The following ZBTB7C variants were observed in gnomAD, a reference collection of about 807,000 sequenced individuals.
The protein encoded by ZBTB7C is zinc finger and BTB domain-containing protein 7C.
In ZBTB7C, 8 loss-of-function variants were observed where a neutral mutation model predicts 25.7. The ratio of observed to expected loss-of-function variants is 0.31; its 90% confidence interval spans 0.18 to 0.56. The LOEUF (loss-of-function observed/expected upper bound fraction) is 0.56. Ranked by LOEUF, ZBTB7C falls within the 20% of genes least tolerant of loss-of-function variation. The pLI, the probability that ZBTB7C is intolerant of heterozygous loss-of-function variation, is 0.91. For synonymous variants in ZBTB7C, 394 were observed against 369.0 expected (o/e 1.07, Z -0.78); for missense variants, 824 against 855.2 (o/e 0.96, Z 0.46).
chr18:48,328,235 T>C (rs1018844553), intron 2 of ZBTB7C, among the ~76,000 whole-genome samples: 1 of 149,028 alleles, frequency 6.7e-6, no homozygotes, highest in Non-Finnish European at 1.5e-5. Context: ...AAGAACATAA[T>C]ATTTAGTTTG....
At chr18:48,253,627 C>T (rs571525335) in intron 2 of ZBTB7C, among the ~76,000 whole-genome samples, 2 of 152,242 alleles carry the variant, frequency 1.3e-5, no homozygotes, top group African/African-American at 4.8e-5. Context: ...TAGGACAGAG[C>T]ACCAGAGAGA....
chr18:48,033,888 G>C (rs1263547317), intron 4 of ZBTB7C, among the ~76,000 whole-genome samples: 1 of 152,118 alleles, frequency 6.6e-6, no homozygotes, highest in Non-Finnish European at 1.5e-5. Context: ...CCCTTCCCTG[G>C]TCTGGGCCTT....
rs1029503858 is a variant in ZBTB7C at position 48,161,932 on chromosome 18, C to T, written c.-17+24002G>A. Reference sequence around the variant, plus strand: ...CGCTCCAGCTCGACCTCCCCACCCGCCCGCCTCCCCGGGAGGCCGCGGCCC... The same window carrying T: ...CGCTCCAGCTCGACCTCCCCACCCGTCCGCCTCCCCGGGAGGCCGCGGCCC... On this transcript the variant is annotated intron_variant, in intron 3 of 4. Coordinates refer to ENST00000590800, the MANE Select transcript of ZBTB7C (RefSeq NM_001318841.2). Among the ~76,000 whole-genome samples, 191 of 149,450 alleles carry T rather than the reference C, an allele frequency of 1.3e-3. 4 individuals are homozygous for T. The highest frequency in any genetic ancestry group is 4.5e-3 in the African/African-American group (187 of 41,288).
At chr18:48,267,838 C>A (rs2044356582) in intron 2 of ZBTB7C, among the ~76,000 whole-genome samples, 1 of 152,216 alleles carries the variant, frequency 6.6e-6, no homozygotes, top group Non-Finnish European at 1.5e-5. Context: ...CCTCACCAGA[C>A]ACCAAATCTA....
intron 2 of ZBTB7C, among the ~76,000 whole-genome samples, chr18:48,260,721 C>A (rs1378906676): frequency 1.3e-5 from 2 of 152,148 alleles, no homozygotes; most frequent in East Asian, 1.9e-4. Context: ...TTCGAGTTGG[C>A]AAAACCAAAG....
chr18:48,230,951 T>G (rs1377061403), intron 2 of ZBTB7C, among the ~76,000 whole-genome samples: 2 of 152,216 alleles, frequency 1.3e-5, no homozygotes, highest in African/African-American at 4.8e-5. Flanking sequence ...CAGCTGGGTA[T>G]GTGCATGCTC....
intron 1 of ZBTB7C, among the ~76,000 whole-genome samples, chr18:48,358,889 T>C (rs2047038000): frequency 6.6e-6 from 1 of 152,178 alleles, no homozygotes; most frequent in African/African-American, 2.4e-5. Context: ...TATTAAAAAC[T>C]AGTCCCGGTT....
At chr18:48,313,080 A>G (rs2045861103) in intron 2 of ZBTB7C, among the ~76,000 whole-genome samples, 1 of 152,192 alleles carries the variant, frequency 6.6e-6, no homozygotes, top group Non-Finnish European at 1.5e-5. Context: ...TCCTTTTGTT[A>G]TAACTATCAC....
intron 2 of ZBTB7C, among the ~76,000 whole-genome samples, chr18:48,274,985 T>A (rs2044603458): frequency 6.6e-6 from 1 of 152,210 alleles, no homozygotes; most frequent in Non-Finnish European, 1.5e-5. Flanking sequence ...CGGCCTTTCC[T>A]TTCATAGGGA....
In ZBTB7C at chr18:48,029,764, G is replaced by T. The variant is rs1454807172; in HGVS notation, c.1356C>A (p.Phe452Leu). Residue 452 changes from phenylalanine to leucine, a missense_variant, in exon 5 of 5, where the codon TTC (phenylalanine) becomes TTA (leucine). By Grantham distance (22) the Phe-to-Leu change is conservative. This residue lies in a region of ZBTB7C where 342 missense variants were observed against 307.0 expected (regional missense o/e 1.11). Coordinates refer to ENST00000590800, the MANE Select transcript of ZBTB7C (RefSeq NM_001318841.2). ...HTGVRPYQCE[F>L]CYKSFTRSDH... ...CAGAGCGCGTGAAGCTCTTGTAGCA[G>T]AACTCGCACTGGTAGGGCCGCACGC... 1 of 1,608,554 alleles carries T rather than the reference G, an allele frequency of 6.2e-7. No homozygotes were observed. The highest frequency in any genetic ancestry group is 8.5e-7 in the Non-Finnish European group (1 of 1,179,996).
intron 2 of ZBTB7C, among the ~76,000 whole-genome samples, chr18:48,333,546 G>A (rs902156009): frequency 2.0e-5 from 3 of 152,210 alleles, no homozygotes; most frequent in Non-Finnish European, 4.4e-5. Flanking sequence ...CTAAGAAAAA[G>A]CCAGGTCAAT....
chr18:48,061,260 C>T (rs561232584), intron 3 of ZBTB7C, among the ~76,000 whole-genome samples: 2 of 152,274 alleles, frequency 1.3e-5, no homozygotes, highest in Admixed American at 1.3e-4. Context: ...TAGGATAAAA[C>T]AAAGGCTGGA....
At chr18:48,122,243 G>T (rs4940264) in intron 3 of ZBTB7C, among the ~76,000 whole-genome samples, 139,800 of 152,296 alleles carry the variant, frequency 0.92, 64,312 homozygotes, top group African/African-American at 0.97. Flanking sequence ...CCAGTCCATG[G>T]TGCTGTACAG....
chr18:48,135,448 T>A, intron 3 of ZBTB7C, among the ~76,000 whole-genome samples: 1 of 152,310 alleles, frequency 6.6e-6, no homozygotes, highest in South Asian at 2.1e-4. Flanking sequence ...GGACAATGTA[T>A]TTAACCCATT....
At chr18:48,257,218 T>C (rs540423648) in intron 2 of ZBTB7C, among the ~76,000 whole-genome samples, 2 of 152,000 alleles carry the variant, frequency 1.3e-5, no homozygotes, top group African/African-American at 4.8e-5. Context: ...ACAAAGTAGA[T>C]TTCAGAGCAA....
At chr18:48,207,028 G>A (rs149444857) in intron 2 of ZBTB7C, among the ~76,000 whole-genome samples, 18 of 152,230 alleles carry the variant, frequency 1.2e-4, no homozygotes, top group African/African-American at 4.3e-4. Context: ...TTAAAAAATA[G>A]GAAAATATTT....
In ZBTB7C at chr18:48,029,077, C is replaced by G. The variant is rs1022159569; in HGVS notation, c.*183G>C. On this transcript the variant is annotated 3_prime_UTR_variant, in exon 5 of 5. Transcript: ENST00000590800. The stretch of plus-strand genomic sequence containing the variant: ...TTGGGAAAAGATGCCCGTCTCAGAC[C>G]AGCAAAAGGAGGCAGCTGCTTTAGG... 2 of 881,194 alleles carry G rather than the reference C, an allele frequency of 2.3e-6. No individual in the cohort carries two copies. The highest frequency in any genetic ancestry group is 3.6e-5 in the African/African-American group (2 of 55,228). 54.6% of individuals were successfully genotyped at this position (881,194 alleles called of 1,614,324 possible). A position where few individuals can be genotyped will look rare whatever the true frequency, so the allele number is the denominator to read the frequency against.
intron 2 of ZBTB7C, among the ~76,000 whole-genome samples, chr18:48,290,053 T>C (rs1472973510): frequency 1.3e-5 from 2 of 152,240 alleles, no homozygotes; most frequent in African/African-American, 4.8e-5. Context: ...TTACAGTAGT[T>C]ATGCTAGCAC....
chr18:48,260,092 A>G (rs1398747015), intron 2 of ZBTB7C, among the ~76,000 whole-genome samples: 1 of 152,210 alleles, frequency 6.6e-6, no homozygotes, highest in African/African-American at 2.4e-5. Context: ...ATAGCCCAAA[A>G]CTGGAAACAG....
Sources: allele counts gnomAD v4.1 joint callset (sites outside exome capture counted in the v4.1 genomes callset), GRCh38; gene constraint gnomAD v4.1.1; regional missense constraint gnomAD v4.1.1; transcripts MANE v1.5; gene names NCBI Gene and HGNC (gene_info 2026-07-23, HGNC 2026-07-21).